CA13: variants seen among roughly 807,000 people sequenced by gnomAD.
CA13 encodes the protein CA-XIII.
CA13 carries 21 observed loss-of-function variants against 31.5 expected under a neutral mutation model. The ratio of observed to expected loss-of-function variants is 0.67; its 90% CI spans 0.47 to 0.96. The LOEUF is 0.96. Ranked by LOEUF, CA13 falls within the 40% of genes least tolerant of loss-of-function variation. CA13 has a pLI of 0.00. For missense variants in CA13, 315 were observed against 318.9 expected, an observed-to-expected ratio of 0.99 and a Z score of 0.09; for synonymous variants, 117 against 111.4, an observed-to-expected ratio of 1.05 and a Z score of -0.32.
Position 85,281,491 on chromosome 8 carries a change from G to C in CA13, c.*142G>C. ...TTAGTATGAGCTTCAGTGTCACAAA[G>C]AAAACCAGATCTCTCTCTCTTTTTT... On this transcript the variant is annotated 3_prime_UTR_variant, in exon 7 of 7. Coordinates refer to ENST00000321764, the MANE Select transcript of CA13 (RefSeq NM_198584.3). 2 of 1,399,986 alleles carry C rather than the reference G, an allele frequency of 1.4e-6. No individual in the cohort carries two copies. The highest frequency in any genetic ancestry group is 1.9e-6 in the Non-Finnish European group (2 of 1,070,802). The allele number at this position is 1,399,986 out of a possible 1,614,324, so 86.7% of individuals were successfully genotyped here.
Position 85,259,523 on chromosome 8 carries a change from T to A in CA13, c.338T>A (p.Val113Glu), listed in dbSNP as rs1807349176. Reference sequence around the variant, plus strand: ...GGCTCCGAGCACATAGTAGATGGAGTGAGCTATGCTGCAGAGGTAAGCCAT... The same window carrying A: ...GGCTCCGAGCACATAGTAGATGGAGAGAGCTATGCTGCAGAGGTAAGCCAT... ...DHGSEHIVDG[V>E]SYAAELHVVH... is the part of the protein sequence containing the mutation. The change falls in exon 3 of 7, where the codon GTG becomes GAG. Residue 113 changes from valine (V) to glutamate (E), a missense_variant. Physicochemically the swap from Val to Glu is moderately radical, Grantham distance 121. Coordinates refer to ENST00000321764, the MANE Select transcript of CA13 (RefSeq NM_198584.3). 6.2e-7 allele frequency: 1 copy of A among 1,613,392 alleles called. No individual in the cohort carries two copies.
Position 85,262,479 on chromosome 8 carries a change from A to G in CA13, c.354+2940A>G, listed in dbSNP as rs150347664. On this transcript the variant is annotated intron_variant, in intron 3 of 6. Transcript: ENST00000321764. ...AAGGAGGCTCATACATTTGAAAAAC[A>G]GTATGGCCTTTAACAGTGTAGTTGG... Among the ~76,000 whole-genome samples the G allele has an allele frequency of 4.2e-3, 633 of 152,290 alleles. 4 individuals carry two copies. The highest frequency in any genetic ancestry group is 0.015 in the African/African-American group (605 of 41,558).
intron 1 of CA13, chr8:85,249,823 C>A (rs768124744): frequency 2.2e-6 from 1 of 451,414 alleles, no homozygotes; most frequent in Non-Finnish European, 4.4e-6. Context: ...ATGGAACTTA[C>A]GTGAAACTAC....
rs1222350722 is a variant in CA13, at chr8:85,267,939, A to C, written c.488A>C (p.Asp163Ala). The C allele has an allele frequency of 1.9e-6, 3 of 1,596,022 alleles. No homozygotes were observed. Among genetic ancestry groups the C allele is most frequent in the Non-Finnish European group, 2.6e-6 (3 of 1,167,440 alleles). Reference sequence around the variant, plus strand: ...AATTCCCAACTGCAAAAGATTACTGACACTTTGGATTCCATTAAAGAAAAG... The same window carrying C: ...AATTCCCAACTGCAAAAGATTACTGCCACTTTGGATTCCATTAAAGAAAAG... ...EPNSQLQKIT[D>A]TLDSIKEKGK... The change falls in exon 5 of 7, where the codon GAC (aspartate) becomes GCC (alanine). Residue 163 changes from aspartate (D) to alanine (A), a missense_variant. Coordinates refer to ENST00000321764, the MANE Select transcript of CA13 (RefSeq NM_198584.3).
intron 1 of CA13, among the ~76,000 whole-genome samples, 194 bp downstream of exon 1, chr8:85,246,059 T>G (rs562489285): frequency 7.2e-5 from 11 of 152,242 alleles, no homozygotes; most frequent in South Asian, 6.2e-4. Flanking sequence ...AGACGGGTTG[T>G]TGGTGGTGGA....
chr8:85,249,797 A>G, intron 1 of CA13: 1 of 446,834 alleles, frequency 2.2e-6, no homozygotes, highest in Middle Eastern at 3.3e-4. Flanking sequence ...AAAGTGACTC[A>G]CATCTGTAGA....
intron 1 of CA13, chr8:85,249,803 G>A: frequency 2.2e-6 from 1 of 450,126 alleles, no homozygotes; most frequent in Non-Finnish European, 4.4e-6. Flanking sequence ...ACTCACATCT[G>A]TAGAATGACA....
intron 1 of CA13, chr8:85,249,796 C>G (rs1182123846): frequency 2.2e-6 from 1 of 445,708 alleles, no homozygotes; most frequent in Non-Finnish European, 4.5e-6. Context: ...TAAAGTGACT[C>G]ACATCTGTAG....
intron 1 of CA13, among the ~76,000 whole-genome samples, chr8:85,246,894 T>A (rs577244787): frequency 6.6e-6 from 1 of 152,336 alleles, no homozygotes; most frequent in African/African-American, 2.4e-5. Context: ...ATAATAATGC[T>A]TTCCTTCTAT....
At chr8:85,261,722 G>A (rs567324839) in intron 3 of CA13, among the ~76,000 whole-genome samples, 13 of 152,152 alleles carry the variant, frequency 8.5e-5, no homozygotes, top group Non-Finnish European at 1.6e-4. Context: ...CACCGCGCCC[G>A]GCCAGTGTAT....
chr8:85,260,845 G>A (rs188150525), intron 3 of CA13, among the ~76,000 whole-genome samples: 1 of 152,308 alleles, frequency 6.6e-6, no homozygotes, highest in Non-Finnish European at 1.5e-5. Context: ...CTAATTATTG[G>A]TTGCTTTGGA....
chr8:85,245,927 GC>G lies in CA13; in HGVS notation c.37+66del. On this transcript the variant is annotated intron_variant, in intron 1 of 6. Transcript: ENST00000321764. ...CGGGGGACGAGAGGACTAGCGCGAC[GC>G]CCCGGCGCTCGCTGACCACACACTG... The G allele has an allele frequency of 3.8e-6, 6 of 1,591,468 alleles. No homozygotes were observed. In the Middle Eastern group the frequency reaches 5.0e-4, roughly 132 times the overall value.
intron 3 of CA13, among the ~76,000 whole-genome samples, chr8:85,261,256 T>G (rs1304052597): frequency 6.6e-6 from 1 of 152,186 alleles, no homozygotes; most frequent in Non-Finnish European, 1.5e-5. Flanking sequence ...ACATTACAGA[T>G]AATTATTTTC....
Position 85,283,965 on chromosome 8 carries a change from G to A in CA13, c.*2616G>A, listed in dbSNP as rs1807743438. ...AAATTAAAGAGTTGTAAATACTAGTGTAGATCTCTTTTGTTTACCACAGCA... is the reference window on the plus strand; with the variant it reads ...AAATTAAAGAGTTGTAAATACTAGTATAGATCTCTTTTGTTTACCACAGCA... On this transcript the variant is annotated 3_prime_UTR_variant, in exon 7 of 7. Transcript: ENST00000321764. 1.3e-5 allele frequency: 2 copies of A among 151,974 alleles called. No individual in the cohort carries two copies. Among genetic ancestry groups the A allele is most frequent in the South Asian group, 4.2e-4 (2 of 4,802 alleles). The allele number at this position is 151,974 out of a possible 1,614,324, so 9.4% of individuals were successfully genotyped here.
rs1807716458 is a variant in CA13 at position 85,282,054 on chromosome 8, G to C, written c.*705G>C. ...AACTTATATCTCAAATGATAGGATT[G>C]TGATGCTTTTTTTGTAACAAGTGAT... On this transcript the variant is annotated 3_prime_UTR_variant, in exon 7 of 7. Coordinates refer to ENST00000321764, the MANE Select transcript of CA13 (RefSeq NM_198584.3). The C allele has an allele frequency of 6.6e-6, 1 of 152,184 alleles. No individual in the cohort carries two copies. The highest frequency in any genetic ancestry group is 1.5e-5 in the Non-Finnish European group (1 of 68,034). 9.4% of individuals were successfully genotyped at this position (152,184 alleles called of 1,614,324 possible). A position where few individuals can be genotyped will look rare whatever the true frequency, so the allele number is the denominator to read the frequency against.
At chr8:85,267,558 A>C (rs543499631) in intron 4 of CA13, among the ~76,000 whole-genome samples, 1 of 152,288 alleles carries the variant, frequency 6.6e-6, no homozygotes, top group South Asian at 2.1e-4. Context: ...CATCTAGCTT[A>C]GTAGTGCAGG....
In CA13 at chr8:85,283,357, A is replaced by G. The variant is rs756030286; in HGVS notation, c.*2008A>G. ...AAGAGTGAAGCTAATTCTTTGGTCA[A>G]TGTTCTTTTCCCCTCAGTGTCTAGT... is the stretch of plus-strand genomic sequence containing the variant. On this transcript the variant is annotated 3_prime_UTR_variant, in exon 7 of 7. Coordinates refer to ENST00000321764, the MANE Select transcript of CA13 (RefSeq NM_198584.3). 1 of 152,208 alleles carries G rather than the reference A, an allele frequency of 6.6e-6. No homozygotes were observed. The highest frequency in any genetic ancestry group is 1.5e-5 in the Non-Finnish European group (1 of 68,036). The allele number at this position is 152,208 out of a possible 1,614,324, so 9.4% of individuals were successfully genotyped here. A position where few individuals can be genotyped will look rare whatever the true frequency, so the allele number is the denominator to read the frequency against.
At chr8:85,266,097 G>T (rs1323791581) in intron 3 of CA13, among the ~76,000 whole-genome samples, 1 of 152,228 alleles carries the variant, frequency 6.6e-6, no homozygotes, top group East Asian at 1.9e-4. Context: ...AGTCTCATCT[G>T]TGGAAGGCCT....
Position 85,245,858 on chromosome 8 carries a change from G to C in CA13, c.30G>C (p.Glu10Asp). The change falls in exon 1 of 7, where the codon GAG becomes GAC. Residue 10 changes from glutamate (E) to aspartate (D), a missense_variant. Physicochemically the swap from Glu to Asp is conservative, Grantham distance 45. Coordinates refer to ENST00000321764, the MANE Select transcript of CA13 (RefSeq NM_198584.3). The part of the protein sequence containing the change: MSRLSWGYR[E>D]HNGPIHWKEF... ...CGAGGCTCAGCTGGGGATACCGCGA[G>C]CACAACGGTGAGCGCCTTTTCCTGA... The C allele has an allele frequency of 6.2e-7, 1 of 1,614,194 alleles. No homozygotes were observed. The highest frequency in any genetic ancestry group is 8.5e-7 in the Non-Finnish European group (1 of 1,180,028).
Sources: gnomAD v4.1 joint callset for allele counts (sites outside exome capture counted in the v4.1 genomes callset) on GRCh38, gnomAD v4.1.1 for gene constraint, MANE v1.5 for transcripts, NCBI Gene and HGNC (gene_info 2026-07-23, HGNC 2026-07-21) for gene names.